LRBA: variants seen among roughly 807,000 people sequenced by gnomAD.
LRBA encodes the protein LPS responsive beige-like anchor protein.
A neutral mutation model predicts 330.0 loss-of-function variants in LRBA; 176 were observed. The observed-to-expected ratio is 0.53, with a 90% CI of 0.47 to 0.60. The LOEUF (loss-of-function observed/expected upper bound fraction) is 0.60. LRBA is among the 20% of genes least tolerant of loss of function. The probability of loss-of-function intolerance (pLI) is 0.00; values close to 1 mark genes in which losing one functional copy is unlikely to be tolerated. For missense variants in LRBA, 3,259 were observed against 3,444.8 expected, an observed-to-expected ratio of 0.95 and a Z score of 1.35; for synonymous variants, 1,230 against 1,193.0, an observed-to-expected ratio of 1.03 and a Z score of -0.64.
rs551701170 is a variant in LRBA, at chr4:150,932,705, C to G, written c.217-3640G>C. On this transcript the variant is annotated intron_variant, in intron 2 of 56. Coordinates refer to ENST00000651943, the MANE Select transcript of LRBA (RefSeq NM_001364905.1). ...CCGAGGCAGGTGGATCCCTTGAGCGCAGGAGTTTAAGATGAGCCAAGGCAA... is the reference window on the plus strand; with the variant it reads ...CCGAGGCAGGTGGATCCCTTGAGCGGAGGAGTTTAAGATGAGCCAAGGCAA... 8.6e-5 allele frequency among the ~76,000 whole-genome samples: 13 copies of G among 152,040 alleles called. No individual in the cohort carries two copies. In the East Asian group the frequency reaches 2.5e-3, roughly 29 times the overall value.
intron 47 of LRBA, among the ~76,000 whole-genome samples, chr4:150,354,808 T>C (rs1208318454): frequency 6.6e-6 from 1 of 152,118 alleles, no homozygotes; most frequent in African/African-American, 2.4e-5. Context: ...AATACACTTA[T>C]TACTAACTTT....
At chr4:150,314,176 G>A (rs558673527) in intron 51 of LRBA, among the ~76,000 whole-genome samples, 7 of 152,204 alleles carry the variant, frequency 4.6e-5, no homozygotes, top group African/African-American at 1.7e-4. Context: ...TTGTCAAGGT[G>A]CAAAGAAAAT....
chr4:150,326,004 G>T, intron 48 of LRBA, 106 bp from the exon 49 acceptor site: 1 of 712,690 alleles, frequency 1.4e-6, no homozygotes, highest in Non-Finnish European at 2.5e-6. Flanking sequence ...CTTGTTTCAT[G>T]CTGAAAATCA....
chr4:150,886,563 G>A (rs1728956491), intron 17 of LRBA, among the ~76,000 whole-genome samples: 1 of 152,154 alleles, frequency 6.6e-6, no homozygotes, highest in Admixed American at 6.5e-5. Context: ...AAACTAGTCT[G>A]TCTCCCTGGA....
At chr4:150,910,597 A>G (rs1237586852) in intron 9 of LRBA, among the ~76,000 whole-genome samples, 1 of 152,140 alleles carries the variant, frequency 6.6e-6, no homozygotes, top group African/African-American at 2.4e-5. Context: ...GAAACCCTGA[A>G]GTGTAAAGCC....
At chr4:150,747,412 A>C (rs919846403) in intron 35 of LRBA, among the ~76,000 whole-genome samples, 2 of 152,174 alleles carry the variant, frequency 1.3e-5, no homozygotes, top group Non-Finnish European at 2.9e-5. Context: ...TGCACCAACC[A>C]TTTATAATTT....
intron 47 of LRBA, among the ~76,000 whole-genome samples, chr4:150,378,061 G>A (rs545932543): frequency 7.2e-5 from 11 of 151,744 alleles, no homozygotes; most frequent in Non-Finnish European, 7.4e-5. Flanking sequence ...ACCTGACTTT[G>A]CATGCCTTCT....
intron 34 of LRBA, among the ~76,000 whole-genome samples, chr4:150,792,010 C>CA: frequency 9.7e-6 from 1 of 103,092 alleles, no homozygotes; most frequent in African/African-American, 3.9e-5. Flanking sequence ...GCCTGGGCGA[C>CA]AGAGCAAGGC....
Position 150,952,975 on chromosome 4 carries a change from C to T in LRBA, c.217-23910G>A, listed in dbSNP as rs1360791573. Among the ~76,000 whole-genome samples the T allele has an allele frequency of 4.6e-5, 7 of 152,244 alleles. No homozygotes were observed. The East Asian group carries it at 1.4e-3, about 29-fold the overall frequency. On this transcript the variant is annotated intron_variant, in intron 2 of 56. Transcript: ENST00000651943. ...CCTCATCTCCCTCCATCAAGCCCTT[C>T]GCCCATCTTGTCTTCCTCTACTACC... is the stretch of plus-strand genomic sequence containing the variant.
chr4:150,433,912 AT>A, intron 46 of LRBA, among the ~76,000 whole-genome samples: 2 of 152,238 alleles, frequency 1.3e-5, no homozygotes, highest in South Asian at 4.1e-4. Context: ...ATAAAAGATT[AT>A]TTTTGTATAC....
At chr4:150,964,983 G>A (rs1738720568) in intron 2 of LRBA, among the ~76,000 whole-genome samples, 1 of 152,186 alleles carries the variant, frequency 6.6e-6, no homozygotes, top group Non-Finnish European at 1.5e-5. Context: ...AAAAACCACA[G>A]CTGCTAATAC....
At chr4:150,882,355 G>C (rs114224642) in intron 17 of LRBA, among the ~76,000 whole-genome samples, 243 of 152,152 alleles carry the variant, frequency 1.6e-3, no homozygotes, top group Non-Finnish European at 2.9e-3. Context: ...CCATAGTTTT[G>C]TTCTTATTTA....
intron 46 of LRBA, among the ~76,000 whole-genome samples, chr4:150,429,162 T>C (rs2151978845): frequency 6.6e-6 from 1 of 152,092 alleles, no homozygotes; most frequent in Non-Finnish European, 1.5e-5. Context: ...AGGGAGTAAG[T>C]AAAAGTGCAT....
intron 30 of LRBA, among the ~76,000 whole-genome samples, chr4:150,820,824 T>C (rs529742751): frequency 6.6e-6 from 1 of 152,098 alleles, no homozygotes; most frequent in Non-Finnish European, 1.5e-5. Context: ...TAACCTATCG[T>C]GTTTATGTTG....
intron 28 of LRBA, among the ~76,000 whole-genome samples, chr4:150,834,438 C>T (rs968449039): frequency 1.3e-5 from 2 of 152,180 alleles, no homozygotes; most frequent in Non-Finnish European, 2.9e-5. Flanking sequence ...ATGAAAATAA[C>T]ATGAATCTCC....
At chr4:150,758,551 C>T (rs1734624147) in intron 35 of LRBA, among the ~76,000 whole-genome samples, 1 of 150,714 alleles carries the variant, frequency 6.6e-6, no homozygotes, top group Non-Finnish European at 1.5e-5. Context: ...ACTACAATAG[C>T]CCCCTAATTG....
At chr4:150,808,273 T>G in intron 32 of LRBA, 47 bp downstream of exon 32, 2 of 1,225,734 alleles carry the variant, frequency 1.6e-6, no homozygotes, top group Non-Finnish European at 2.4e-6. Flanking sequence ...GCTTAAAAAG[T>G]CATCAAAAGG....
chr4:150,379,303 CAAAAAAAAAAA>C (rs10634420), intron 47 of LRBA, among the ~76,000 whole-genome samples: 2 of 59,882 alleles, frequency 3.3e-5, no homozygotes, highest in East Asian at 6.2e-4. Flanking sequence ...AACTCTAGCT[CAAAAAAAAAAA>C]AAAAAAAAAA....
rs570401924 is a variant in LRBA at position 150,754,022 on chromosome 4, T to C, written c.5645+7761A>G. ...ATCAAGGCTGCAGTGAGCCTTGATATTGCTACTGCACTCCAGCCTGGGCAA... is the reference window on the plus strand; with the variant it reads ...ATCAAGGCTGCAGTGAGCCTTGATACTGCTACTGCACTCCAGCCTGGGCAA... On this transcript the variant is annotated intron_variant, in intron 35 of 56. Transcript: ENST00000651943. 2.0e-5 allele frequency among the ~76,000 whole-genome samples: 3 copies of C among 151,612 alleles called. No homozygotes were observed. The South Asian group carries it at 6.3e-4, about 32-fold the overall frequency.
Sources: allele counts gnomAD v4.1 joint callset (sites outside exome capture counted in the v4.1 genomes callset), GRCh38; gene constraint gnomAD v4.1.1; transcripts MANE v1.5; gene names NCBI Gene and HGNC (gene_info 2026-07-23, HGNC 2026-07-21).